Variants in DDX1 observed in about 807,000 individuals in gnomAD.
The protein encoded by DDX1 is ATP-dependent RNA helicase DDX1.
In DDX1, 28 loss-of-function variants were observed where a neutral mutation model predicts 108.7. The observed-to-expected ratio is 0.26, with a 90% CI of 0.19 to 0.35. The LOEUF is 0.35. DDX1 is among the 10% of genes least tolerant of loss of function. The pLI, the probability that DDX1 is intolerant of heterozygous loss-of-function variation, is 1.00. For missense variants in DDX1, 710 were observed against 884.5 expected, an observed-to-expected ratio of 0.80 and a Z score of 2.50; for synonymous variants, 295 against 288.9, an observed-to-expected ratio of 1.02 and a Z score of -0.21.
At chr2:15,612,254 G>A (rs1339825859) in intron 13 of DDX1, among the ~76,000 whole-genome samples, 3 of 151,380 alleles carry the variant, frequency 2.0e-5, no homozygotes, top group Admixed American at 1.3e-4. Flanking sequence ...CTCAGACGGG[G>A]CGGCCGGGCA....
At position 15,595,213 on chromosome 2, in the gene DDX1, T is replaced by TAA. The variant is rs1665479114; in HGVS notation, c.68+19_68+20dup. 6.3e-7 allele frequency: 1 copy of TAA among 1,582,100 alleles called. No homozygotes were observed. The highest frequency in any genetic ancestry group is 1.3e-5 in the African/African-American group (1 of 74,184). On this transcript the variant is annotated intron_variant, in intron 2 of 25. Coordinates refer to ENST00000233084, the MANE Select transcript of DDX1 (RefSeq NM_004939.3). ...GGATTGGCTGTAAGTACATAAAGCCTAAATGTACCTGGGAGAGGATGTTTT... is the reference window on the plus strand; with the variant it reads ...GGATTGGCTGTAAGTACATAAAGCCTAAAAATGTACCTGGGAGAGGATGTTTT...
At chr2:15,621,599 C>G (rs1230412935) in intron 18 of DDX1, among the ~76,000 whole-genome samples, 1 of 151,744 alleles carries the variant, frequency 6.6e-6, no homozygotes, top group Admixed American at 6.6e-5. Flanking sequence ...AGCCACCATG[C>G]CTGGCCTTAA....
intron 10 of DDX1, among the ~76,000 whole-genome samples, chr2:15,605,530 G>A (rs1432938591): frequency 1.3e-5 from 2 of 152,108 alleles, no homozygotes; most frequent in African/African-American, 2.4e-5. Context: ...GGTGAGGGTG[G>A]GGAGCCTCCT....
intron 13 of DDX1, among the ~76,000 whole-genome samples, chr2:15,612,295 C>T (rs1291814576): frequency 1.3e-5 from 2 of 149,802 alleles, no homozygotes; most frequent in Non-Finnish European, 3.0e-5. Flanking sequence ...GACGGGGTCG[C>T]GGCCGGGTAG....
chr2:15,605,681 G>A (rs1226926802), intron 10 of DDX1, among the ~76,000 whole-genome samples: 1 of 152,160 alleles, frequency 6.6e-6, no homozygotes, highest in African/African-American at 2.4e-5. Context: ...GTTTTCTTGT[G>A]TGTTTTACTG....
chr2:15,599,558 C>T (rs1665555690), intron 5 of DDX1, 111 bp from the exon 6 acceptor site: 10 of 688,918 alleles, frequency 1.5e-5, no homozygotes, highest in Non-Finnish European at 2.2e-5. Context: ...AGTGAACCAC[C>T]CACGTCAGCT....
Position 15,611,473 on chromosome 2 carries a change from T to A in DDX1, c.957-1751T>A, listed in dbSNP as rs868570402. On this transcript the variant is annotated intron_variant, in intron 13 of 25. Transcript: ENST00000233084. ...CCAGTAGGGACGGCCGGGCAGAGGC[T>A]CCCCCCACCTCCCGGACGGGGCGGC... 9.4e-3 allele frequency among the ~76,000 whole-genome samples: 1,170 copies of A among 124,748 alleles called. 13 individuals are homozygous for A. Among genetic ancestry groups the A allele is most frequent in the East Asian group, 0.088 (270 of 3,078 alleles). 81.8% of individuals were successfully genotyped at this position (124,748 alleles called of 152,430 possible).
At chr2:15,618,141 A>G in intron 15 of DDX1, 40 bp from the exon 16 acceptor site, 1 of 1,249,740 alleles carries the variant, frequency 8.0e-7, no homozygotes. Flanking sequence ...TTTTTTCCAT[A>G]CTGATTAAAA....
chr2:15,624,381 C>A (rs1244551599), intron 19 of DDX1, among the ~76,000 whole-genome samples: 1 of 152,176 alleles, frequency 6.6e-6, no homozygotes. Context: ...CTGTATTAGT[C>A]TGTTCTTATG....
chr2:15,592,172 C>G (rs78476348), intron 1 of DDX1, among the ~76,000 whole-genome samples: 2,138 of 152,324 alleles, frequency 0.014, 27 homozygotes, highest in Middle Eastern at 0.034. Flanking sequence ...ACGTCCCTCC[C>G]CCTGCCCTTT....
rs141683991 is a variant in DDX1 at position 15,605,903 on chromosome 2, G to C, written c.626-47G>C. 1.2e-3 allele frequency: 1,547 copies of C among 1,282,316 alleles called. 11 individuals are homozygous for C. Among genetic ancestry groups the C allele is most frequent in the African/African-American group, 0.012 (767 of 66,670 alleles). The allele number at this position is 1,282,316 out of a possible 1,614,324, so 79.4% of individuals were successfully genotyped here. On this transcript the variant is annotated intron_variant, in intron 10 of 25. Transcript: ENST00000233084. ...GATTTGACATTGTCAGCATGAGGAAGGTCTTTTCTGATTGTTTTAATCTCT... is the reference window on the plus strand; with the variant it reads ...GATTTGACATTGTCAGCATGAGGAACGTCTTTTCTGATTGTTTTAATCTCT...
chr2:15,602,765 G>C, intron 7 of DDX1, 134 bp downstream of exon 7: 1 of 631,302 alleles, frequency 1.6e-6, no homozygotes. Flanking sequence ...CCGGGCTGGA[G>C]GGCAGTGGTG....
At chr2:15,592,095 G>C (rs1665423000) in intron 1 of DDX1, 146 bp downstream of exon 1, 1 of 776,962 alleles carries the variant, frequency 1.3e-6, no homozygotes, top group Non-Finnish European at 1.8e-6. Flanking sequence ...TGATGGACCC[G>C]CGTTGCGGGA....
rs867661277 is a variant in DDX1 at position 15,619,815 on chromosome 2, C to T, written c.1207-393C>T. On this transcript the variant is annotated intron_variant, in intron 16 of 25. Coordinates refer to ENST00000233084, the MANE Select transcript of DDX1 (RefSeq NM_004939.3). Reference sequence around the variant, plus strand: ...CAGATTATTAGTACTGTTGCCTGTTCGAAGGAAAAATAACTTCAGCTATTG... The same window carrying T: ...CAGATTATTAGTACTGTTGCCTGTTTGAAGGAAAAATAACTTCAGCTATTG... Among the ~76,000 whole-genome samples the T allele has an allele frequency of 3.9e-5, 6 of 152,040 alleles. No homozygotes were observed. The South Asian group carries it at 8.3e-4, about 21-fold the overall frequency.
chr2:15,600,766 T>G (rs1382921947), intron 6 of DDX1, among the ~76,000 whole-genome samples: 2 of 103,270 alleles, frequency 1.9e-5, no homozygotes, highest in Non-Finnish European at 3.8e-5. Flanking sequence ...TTTTTTTTTT[T>G]GAGACAGAGT....
chr2:15,613,195 T>TTA, intron 13 of DDX1, 29 bp from the exon 14 acceptor site: 2 of 1,488,856 alleles, frequency 1.3e-6, no homozygotes, highest in Non-Finnish European at 1.8e-6. Context: ...TTTTTTTTTT[T>TTA]TATATTATCA....
At chr2:15,619,210 C>A (rs964305312) in intron 16 of DDX1, among the ~76,000 whole-genome samples, 1 of 152,186 alleles carries the variant, frequency 6.6e-6, no homozygotes, top group African/African-American at 2.4e-5. Context: ...TCGGCCCAGC[C>A]CCATTGAGGT....
At chr2:15,600,196 C>T (rs899041765) in intron 6 of DDX1, among the ~76,000 whole-genome samples, 3 of 152,134 alleles carry the variant, frequency 2.0e-5, no homozygotes, top group Admixed American at 6.5e-5. Flanking sequence ...TTGGACAGTC[C>T]TCCTTCTTGG....
rs1002141585 is a variant in DDX1 at position 15,595,090 on chromosome 2, A to G, written c.17-55A>G. 8 of 1,334,078 alleles carry G rather than the reference A, an allele frequency of 6.0e-6. No homozygotes were observed. The East Asian group carries it at 1.4e-4, about 23-fold the overall frequency. The allele number at this position is 1,334,078 out of a possible 1,614,324, so 82.6% of individuals were successfully genotyped here. On this transcript the variant is annotated intron_variant, in intron 1 of 25. Coordinates refer to ENST00000233084, the MANE Select transcript of DDX1 (RefSeq NM_004939.3). The stretch of plus-strand genomic sequence containing the variant: ...TTTTATGAATAGTAATTTTGAGAGC[A>G]ATGCAATTTATCATTTCAGTTTATG...
Sources: gnomAD v4.1 joint callset for allele counts (sites outside exome capture counted in the v4.1 genomes callset) on GRCh38, gnomAD v4.1.1 for gene constraint, MANE v1.5 for transcripts, NCBI Gene and HGNC (gene_info 2026-07-23, HGNC 2026-07-21) for gene names.